The following CEP83 variants were observed in gnomAD, a reference collection of about 807,000 sequenced individuals.
CEP83 encodes centrosomal protein of 83 kDa.
In CEP83, 70 loss-of-function variants were observed where a neutral mutation model predicts 101.9. The ratio of observed to expected loss-of-function variants is 0.69; its 90% CI spans 0.57 to 0.84. The LOEUF is 0.84. Among genes scored for constraint, CEP83 ranks in the 40% least tolerant of loss-of-function variants. CEP83 has a pLI of 0.00. For missense variants in CEP83, 715 were observed against 787.2 expected (o/e 0.91, Z 1.10); for synonymous variants, 264 against 267.9 (o/e 0.99, Z 0.14).
chr12:94,279,898 G>C, the CEP83 span: 1 of 641,468 alleles, frequency 1.6e-6, no homozygotes, highest in Non-Finnish European at 2.9e-6. Context: ...TAAATATTAC[G>C]TCTGTAAATC....
intron 4 of CEP83, among the ~76,000 whole-genome samples, chr12:94,409,457 A>G (rs1293491239): frequency 2.0e-5 from 3 of 152,156 alleles, no homozygotes; most frequent in African/African-American, 7.2e-5. Flanking sequence ...TAGGAGAGAG[A>G]AAATGTTTAA....
intron 11 of CEP83, among the ~76,000 whole-genome samples, chr12:94,342,419 A>G (rs1320267696): frequency 6.6e-6 from 1 of 152,216 alleles, no homozygotes; most frequent in Non-Finnish European, 1.5e-5. Context: ...GAGAACAAAT[A>G]AAGCCACACA....
At chr12:94,370,581 T>C (rs2061255734) in intron 8 of CEP83, among the ~76,000 whole-genome samples, 3 of 152,164 alleles carry the variant, frequency 2.0e-5, no homozygotes, top group Admixed American at 1.3e-4. Context: ...TCTTGCTATG[T>C]TGACCAGGCT....
chr12:94,329,187 A>T (rs535218391), intron 14 of CEP83, among the ~76,000 whole-genome samples: 14 of 152,298 alleles, frequency 9.2e-5, no homozygotes, highest in African/African-American at 3.4e-4. Context: ...CATCTGGTAG[A>T]CATTTCAGTA....
At chr12:94,331,435 C>T (rs2059215683) in intron 14 of CEP83, among the ~76,000 whole-genome samples, 1 of 121,236 alleles carries the variant, frequency 8.2e-6, no homozygotes, top group Non-Finnish European at 1.6e-5. Context: ...GGCACGATCT[C>T]GGCTCACTAT....
chr12:94,344,734 G>A lies in CEP83; in HGVS notation c.1344-9070C>T, dbSNP rs1260503711. Among the ~76,000 whole-genome samples, 6 of 151,992 alleles carry A rather than the reference G, an allele frequency of 3.9e-5. No individual in the cohort carries two copies. In the East Asian group the frequency reaches 5.8e-4, roughly 15 times the overall value. On this transcript the variant is annotated intron_variant, in intron 11 of 16. Coordinates refer to ENST00000397809, the MANE Select transcript of CEP83 (RefSeq NM_016122.3). The stretch of plus-strand genomic sequence containing the variant: ...GGATTGGAAGACTCAATATTGTTAA[G>A]GTAACAATTCTCCTCAAATTGACCT...
chr12:94,452,294 C>A (rs185703492), intron 1 of CEP83, among the ~76,000 whole-genome samples: 240 of 152,128 alleles, frequency 1.6e-3, no homozygotes, highest in Non-Finnish European at 2.9e-3. Flanking sequence ...TTGCTAAAAA[C>A]CATTAAATTG....
chr12:94,364,330 C>T lies in CEP83; in HGVS notation c.1343+3464G>A, dbSNP rs116463835. 2.3e-3 allele frequency among the ~76,000 whole-genome samples: 349 copies of T among 152,076 alleles called. 1 individual carries two copies. The highest frequency in any genetic ancestry group is 8.2e-3 in the African/African-American group (339 of 41,474). On this transcript the variant is annotated intron_variant, in intron 11 of 16. Transcript: ENST00000397809. ...AATGGAATCCCAATAAAACTGCAAACAAACTTTTTAATGGAGCTAGACATT... is the reference window on the plus strand; with the variant it reads ...AATGGAATCCCAATAAAACTGCAAATAAACTTTTTAATGGAGCTAGACATT...
At chr12:94,399,916 C>T (rs2063151645) in intron 6 of CEP83, among the ~76,000 whole-genome samples, 1 of 152,098 alleles carries the variant, frequency 6.6e-6, no homozygotes, top group African/African-American at 2.4e-5. Context: ...TTCCAAGGTT[C>T]ATATAGCTTC....
chr12:94,375,799 T>C (rs907563209), intron 8 of CEP83, 87 bp downstream of exon 8: 1 of 670,142 alleles, frequency 1.5e-6, no homozygotes, highest in Non-Finnish European at 2.2e-6. Context: ...CATTTCAGTA[T>C]AAAGAAATCA....
chr12:94,289,541 G>A, the CEP83 span, among the ~76,000 whole-genome samples: 1 of 152,142 alleles, frequency 6.6e-6, no homozygotes, highest in African/African-American at 2.4e-5. Context: ...CCCAGAGGAC[G>A]CTCCCTGCCT....
At chr12:94,378,213 A>G (rs987302404) in intron 7 of CEP83, among the ~76,000 whole-genome samples, 3 of 152,214 alleles carry the variant, frequency 2.0e-5, no homozygotes, top group Non-Finnish European at 4.4e-5. Flanking sequence ...TAAAATGGAA[A>G]CCAAGAATTT....
intron 11 of CEP83, among the ~76,000 whole-genome samples, chr12:94,357,997 A>G (rs764571953): frequency 6.6e-6 from 1 of 152,220 alleles, no homozygotes; most frequent in Non-Finnish European, 1.5e-5. Context: ...TACCTGTGAA[A>G]TAACTATTGA....
chr12:94,333,560 T>C lies in CEP83; in HGVS notation c.1499A>G (p.Lys500Arg). 1 of 1,613,914 alleles carries C rather than the reference T, an allele frequency of 6.2e-7. No individual in the cohort carries two copies. Among genetic ancestry groups the C allele is most frequent in the East Asian group, 2.2e-5 (1 of 44,864 alleles). Residue 500 changes from lysine to arginine, a missense_variant, in exon 13 of 17, where the codon AAG (lysine) becomes AGG (arginine). Physicochemically the swap from Lys to Arg is conservative, Grantham distance 26 (BLOSUM62 2). Transcript: ENST00000397809. ...TTGTTTTAATCTCTCCACCATTTCC[T>C]TCAGCATTTGGTTTGAATTCAGCAA... ...NDLLNSNQMLKEMVERLKQEC... is the reference protein window; with the variant it reads ...NDLLNSNQMLREMVERLKQEC...
intron 6 of CEP83, among the ~76,000 whole-genome samples, chr12:94,387,340 G>T (rs1434157140): frequency 3.3e-5 from 5 of 152,136 alleles, no homozygotes; most frequent in Non-Finnish European, 7.4e-5. Flanking sequence ...TCTCATAGTG[G>T]TGTGAACCCT....
At chr12:94,351,218 C>T (rs543751142) in intron 11 of CEP83, among the ~76,000 whole-genome samples, 1 of 152,202 alleles carries the variant, frequency 6.6e-6, no homozygotes, top group East Asian at 1.9e-4. Flanking sequence ...CTTAGCAATC[C>T]CTAATACCAC....
chr12:94,456,249 T>C (rs2067671800), intron 1 of CEP83, among the ~76,000 whole-genome samples: 2 of 152,166 alleles, frequency 1.3e-5, no homozygotes, highest in East Asian at 1.9e-4. Flanking sequence ...GGTATTGCCA[T>C]GGGAAATTCT....
intron 4 of CEP83, 64 bp downstream of exon 4, chr12:94,411,633 A>T (rs2063886986): frequency 8.8e-6 from 11 of 1,249,994 alleles, no homozygotes; most frequent in Non-Finnish European, 1.1e-5. Context: ...CACCAAAACT[A>T]CTTACTTCCA....
At chr12:94,454,446 T>G (rs2067491048) in intron 1 of CEP83, among the ~76,000 whole-genome samples, 1 of 152,200 alleles carries the variant, frequency 6.6e-6, no homozygotes, top group African/African-American at 2.4e-5. Flanking sequence ...GCTCTGTGTC[T>G]AACTAAAGGT....
Sources: allele counts gnomAD v4.1 joint callset (sites outside exome capture counted in the v4.1 genomes callset), GRCh38; gene constraint gnomAD v4.1.1; transcripts MANE v1.5; gene names NCBI Gene and HGNC (gene_info 2026-07-23, HGNC 2026-07-21).